The following CITED2 variants were observed in gnomAD, a reference collection of about 807,000 sequenced individuals.
CITED2 encodes the protein cbp/p300-interacting transactivator 2.
A neutral mutation model predicts 11.8 loss-of-function variants in CITED2; 2 were observed. The observed-to-expected ratio is 0.17, with a 90% CI of 0.07 to 0.54. The LOEUF (loss-of-function observed/expected upper bound fraction) is 0.54. CITED2 is among the 20% of genes least tolerant of loss of function. The pLI is 0.94. For missense variants in CITED2, 437 were observed against 390.2 expected (o/e 1.12, Z -1.01); for synonymous variants, 210 against 153.0 (o/e 1.37, Z -2.75).
rs1486542935 is a variant in CITED2, at chr6:139,373,399, G to A, written c.546C>T (p.Ser182=). 1.3e-6 allele frequency: 2 copies of A among 1,568,770 alleles called. No homozygotes were observed. The highest frequency in any genetic ancestry group is 1.7e-6 in the Non-Finnish European group (2 of 1,160,832). Residue 182 remains serine, a synonymous_variant, in exon 2 of 2, where the codon AGC becomes AGT. Coordinates refer to ENST00000367651, the MANE Select transcript of CITED2 (RefSeq NM_006079.5). ...TGCTGCTGCCCGCGCCGCCGCCCGA[G>A]CTGCTGCCAGAGCCGCCGGGGGTGC... ...GSSTPGGSGS[S]SGGGAGSSNS...
intron 1 of CITED2, 51 bp downstream of exon 1, chr6:139,374,362 C>G (rs1583068522): frequency 1.8e-6 from 1 of 552,080 alleles, no homozygotes; most frequent in Non-Finnish European, 3.0e-6. Context: ...ACCCTGCCCT[C>G]GGAGGACTGG....
At position 139,373,093 on chromosome 6, in the gene CITED2, G is replaced by C. The variant is rs755093279; in HGVS notation, c.*39C>G. 6.4e-7 allele frequency: 1 copy of C among 1,564,866 alleles called. No individual in the cohort carries two copies. Among genetic ancestry groups the C allele is most frequent in the Non-Finnish European group, 8.8e-7 (1 of 1,135,396 alleles). The stretch of plus-strand genomic sequence containing the variant: ...GTTTCTTTTAATTCACGCCGAAGAA[G>C]TTGGGGGTTTGATTTCTTTCGCCGG... On this transcript the variant is annotated 3_prime_UTR_variant, in exon 2 of 2. Transcript: ENST00000367651.
rs1778314693 is a variant in CITED2, at chr6:139,373,814, G to A, written c.131C>T (p.Pro44Leu). ...CATTAGGGCGTTGAAGGCGTGCTGG[G>A]GCTGCTGCTGCTGGTGGTGATGGGG... ...PSPHHHQQQQ[P>L]QHAFNALMGE... Residue 44 changes from proline to leucine, a missense_variant, in exon 2 of 2, where the codon CCC (proline) becomes CTC (leucine). By Grantham distance (98) the Pro-to-Leu change is moderately conservative (BLOSUM62 -3). Around this residue, in one of 3 missense-constraint regions of CITED2, gnomAD observed 396 missense variants for 325.2 expected, o/e 1.22. Transcript: ENST00000367651. 7 of 1,608,818 alleles carry A rather than the reference G, an allele frequency of 4.4e-6. No homozygotes were observed. The highest frequency in any genetic ancestry group is 5.1e-6 in the Non-Finnish European group (6 of 1,179,958).
chr6:139,373,786 G>A lies in CITED2; in HGVS notation c.159C>T (p.Gly53=), dbSNP rs1425838285. 2.5e-6 allele frequency: 4 copies of A among 1,610,352 alleles called. No homozygotes were observed. Among genetic ancestry groups the A allele is most frequent in the South Asian group, 1.1e-5 (1 of 91,080 alleles). Residue 53 remains glycine, a synonymous_variant, in exon 2 of 2, where the codon GGC becomes GGT. Coordinates refer to ENST00000367651, the MANE Select transcript of CITED2 (RefSeq NM_006079.5). The part of the protein sequence containing the change: ...QPQHAFNALM[G]EHIHYGAGNM... ...TGCCCGCGCCGTAGTGTATGTGCTC[G>A]CCCATTAGGGCGTTGAAGGCGTGCT...
chr6:139,373,775 T>C lies in CITED2; in HGVS notation c.170A>G (p.His57Arg). 2 of 1,610,656 alleles carry C rather than the reference T, an allele frequency of 1.2e-6. No individual in the cohort carries two copies. Among genetic ancestry groups the C allele is most frequent in the Non-Finnish European group, 1.7e-6 (2 of 1,179,936 alleles). The change falls in exon 2 of 2, where the codon CAC becomes CGC. Residue 57 changes from histidine (H) to arginine (R), a missense_variant. Coordinates refer to ENST00000367651, the MANE Select transcript of CITED2 (RefSeq NM_006079.5). ...GGCATTCATGTTGCCCGCGCCGTAG[T>C]GTATGTGCTCGCCCATTAGGGCGTT... ...AFNALMGEHI[H>R]YGAGNMNATS...
Position 139,373,895 on chromosome 6 carries a change from G to C in CITED2, c.50C>G (p.Thr17Ser). The change falls in exon 2 of 2, where the codon ACC (threonine) becomes AGC (serine). Residue 17 changes from threonine to serine, a missense_variant. Transcript: ENST00000367651. ...AMNHGRFPDG[T>S]NGLHHHPAHR... is the part of the protein sequence containing the mutation. ...GGCAGGGTGATGGTGCAGCCCATTG[G>C]TGCCGTCGGGGAAGCGCCCGTGGTT... is the stretch of plus-strand genomic sequence containing the variant. The C allele has an allele frequency of 6.2e-7, 1 of 1,600,790 alleles. No homozygotes were observed. The highest frequency in any genetic ancestry group is 8.5e-7 in the Non-Finnish European group (1 of 1,179,894).
chr6:139,374,057 G>C, intron 1 of CITED2, 105 bp from the exon 2 acceptor site: 1 of 1,526,676 alleles, frequency 6.6e-7, no homozygotes, highest in Non-Finnish European at 8.8e-7. Flanking sequence ...CCGGGCGCAC[G>C]TCGGCTGCGA....
At chr6:139,374,099 G>C in intron 1 of CITED2, 147 bp from the exon 2 acceptor site, 1 of 1,507,920 alleles carries the variant, frequency 6.6e-7, no homozygotes, top group Non-Finnish European at 8.9e-7. Context: ...CTAACAGCCT[G>C]TGCACCCGGG....
At chr6:139,374,179 A>T (rs1778328654) in intron 1 of CITED2, 1 of 1,444,960 alleles carries the variant, frequency 6.9e-7, no homozygotes, top group Admixed American at 2.5e-5. Flanking sequence ...TTCCCCTGCG[A>T]TCGGGCGGGG....
rs1778334993 is a variant in CITED2, at chr6:139,374,413, C to A, written c.-9G>T. On this transcript the variant is annotated splice_region_variant and 5_prime_UTR_variant, in exon 1 of 2. The change creates a new upstream start codon in the 5' untranslated region. Coordinates refer to ENST00000367651, the MANE Select transcript of CITED2 (RefSeq NM_006079.5). ...AGCCAGCTTCGCCCGTCGCGCTTACCTTCCGTTTTTGCGATTTCTGCTCCG... is the reference window on the plus strand; with the variant it reads ...AGCCAGCTTCGCCCGTCGCGCTTACATTCCGTTTTTGCGATTTCTGCTCCG... The A allele has an allele frequency of 2.3e-6, 1 of 438,676 alleles. No individual in the cohort carries two copies. Among genetic ancestry groups the A allele is most frequent in the African/African-American group, 2.0e-5 (1 of 50,818 alleles). The allele number at this position is 438,676 out of a possible 1,614,324, so 27.2% of individuals were successfully genotyped here.
At chr6:139,374,329 C>A in intron 1 of CITED2, 84 bp downstream of exon 1, 1 of 659,920 alleles carries the variant, frequency 1.5e-6, no homozygotes, top group Non-Finnish European at 2.4e-6. Flanking sequence ...CCCAGCTTCG[C>A]CTCACGCTCT....
chr6:139,373,286 G>T lies in CITED2; in HGVS notation c.659C>A (p.Thr220Asn). 6.2e-7 allele frequency: 1 copy of T among 1,614,010 alleles called. No homozygotes were observed. Among genetic ancestry groups the T allele is most frequent in the South Asian group, 1.1e-5 (1 of 91,088 alleles). The change falls in exon 2 of 2, where the codon ACT (threonine) becomes AAT (asparagine). Residue 220 changes from threonine (T) to asparagine (N), a missense_variant. Coordinates refer to ENST00000367651, the MANE Select transcript of CITED2 (RefSeq NM_006079.5). Reference sequence around the variant, plus strand: ...AAGAACTTCCTCGTCGATGAAATCAGTGTCTATGACATTGGGCGGCAGCAT... The same window carrying T: ...AAGAACTTCCTCGTCGATGAAATCATTGTCTATGACATTGGGCGGCAGCAT... Reference protein sequence around the residue: ...AAMLPPNVIDTDFIDEEVLMS... With the variant: ...AAMLPPNVIDNDFIDEEVLMS...
At chr6:139,374,037 C>G in intron 1 of CITED2, 85 bp from the exon 2 acceptor site, 1 of 1,529,690 alleles carries the variant, frequency 6.5e-7, no homozygotes, top group African/African-American at 1.4e-5. Context: ...GCCTCTGCCC[C>G]CCAGGATTCC....
rs771598219 is a variant in CITED2, at chr6:139,373,882, G to T, written c.63C>A (p.His21Gln). The T allele has an allele frequency of 1.1e-5, 18 of 1,601,878 alleles. No individual in the cohort carries two copies. The highest frequency in any genetic ancestry group is 1.4e-5 in the Non-Finnish European group (17 of 1,179,916). ...GRFPDGTNGL[H>Q]HHPAHRMGMG... is the part of the protein sequence containing the mutation. ...TGCCCATGCGGTGGGCAGGGTGATG[G>T]TGCAGCCCATTGGTGCCGTCGGGGA... The change falls in exon 2 of 2, where the codon CAC becomes CAA. Residue 21 changes from histidine (H) to glutamine (Q), a missense_variant. His to Gln is a conservative substitution (Grantham distance 24). Coordinates refer to ENST00000367651, the MANE Select transcript of CITED2 (RefSeq NM_006079.5).
At position 139,372,416 on chromosome 6, in the gene CITED2, T is replaced by C. The variant is rs577856168; in HGVS notation, c.*716A>G. 272 of 149,418 alleles carry C rather than the reference T, an allele frequency of 1.8e-3. No individual in the cohort carries two copies. Among genetic ancestry groups the C allele is most frequent in the Non-Finnish European group, 2.4e-3 (163 of 68,066 alleles). 9.3% of individuals were successfully genotyped at this position (149,418 alleles called of 1,614,324 possible). ...GTACTGAATATAACTATTAGCACAG[T>C]GTCAAAAATGTTGAAGACAGAAACA... is the stretch of plus-strand genomic sequence containing the variant. On this transcript the variant is annotated 3_prime_UTR_variant, in exon 2 of 2. Coordinates refer to ENST00000367651, the MANE Select transcript of CITED2 (RefSeq NM_006079.5).
rs1301725591 is a variant in CITED2, at chr6:139,372,267, C to T, written c.*865G>A. On this transcript the variant is annotated 3_prime_UTR_variant, in exon 2 of 2. Transcript: ENST00000367651. ...TTCTAGAAAACAAGTTATTTCTTAA[C>T]TTTTTATTGACATTGGCAAATTAAA... 1 of 152,528 alleles carries T rather than the reference C, an allele frequency of 6.6e-6. No individual in the cohort carries two copies. The highest frequency in any genetic ancestry group is 2.4e-5 in the African/African-American group (1 of 41,406). The allele number at this position is 152,528 out of a possible 1,614,324, so 9.4% of individuals were successfully genotyped here. A position where few individuals can be genotyped will look rare whatever the true frequency, so the allele number is the denominator to read the frequency against.
In CITED2 at chr6:139,373,679, G is replaced by C; in HGVS notation, c.266C>G (p.Pro89Arg). 2 of 1,611,962 alleles carry C rather than the reference G, an allele frequency of 1.2e-6. No homozygotes were observed. The highest frequency in any genetic ancestry group is 1.7e-6 in the Non-Finnish European group (2 of 1,179,716). Reference protein sequence around the residue: ...NGGHPPSALAPAARFNNSQFM... With the variant: ...NGGHPPSALARAARFNNSQFM... ...CTGGGAGTTGTTAAACCTGGCCGCG[G>C]GGGCCAGCGCGCTCGGGGGGTGCCC... The change falls in exon 2 of 2, where the codon CCC (proline) becomes CGC (arginine). Residue 89 changes from proline to arginine, a missense_variant. This residue lies in a region of CITED2 where 396 missense variants were observed against 325.2 expected (regional missense o/e 1.22). Coordinates refer to ENST00000367651, the MANE Select transcript of CITED2 (RefSeq NM_006079.5).
chr6:139,373,645 A>C lies in CITED2; in HGVS notation c.300T>G (p.Gly100=), dbSNP rs1356121499. The C allele has an allele frequency of 1.2e-6, 2 of 1,613,254 alleles. No homozygotes were observed. Among genetic ancestry groups the C allele is most frequent in the African/African-American group, 1.3e-5 (1 of 74,744 alleles). The change falls in exon 2 of 2, where the codon GGT becomes GGG. Residue 100 remains glycine (G), a synonymous_variant. Transcript: ENST00000367651. Reference sequence around the variant, plus strand: ...AGCCTCCCTGGCTGGCCACCGGGGGACCCATGAACTGGGAGTTGTTAAACC... The same window carrying C: ...AGCCTCCCTGGCTGGCCACCGGGGGCCCCATGAACTGGGAGTTGTTAAACC... ...AARFNNSQFM[G]PPVASQGGSL...
At position 139,373,480 on chromosome 6, in the gene CITED2, A is replaced by G. The variant is rs1778300713; in HGVS notation, c.465T>C (p.Asp155=). Residue 155 remains aspartate (D), a synonymous_variant, in exon 2 of 2, where the codon GAT becomes GAC. Transcript: ENST00000367651. ...QMNGTNQHFR[D]CNPKHSGGSS... is the part of the protein sequence containing the mutation. ...TGCCGCCGCTGTGCTTGGGGTTGCA[A>G]TCTCGGAAGTGCTGGTTTGTCCCGT... is the stretch of plus-strand genomic sequence containing the variant. 6.2e-7 allele frequency: 1 copy of G among 1,604,476 alleles called. No homozygotes were observed. Among genetic ancestry groups the G allele is most frequent in the Non-Finnish European group, 8.5e-7 (1 of 1,174,496 alleles).
Sources: gnomAD v4.1 joint callset for allele counts on GRCh38, gnomAD v4.1.1 for gene constraint, gnomAD v4.1.1 regional missense constraint, MANE v1.5 for transcripts, NCBI Gene and HGNC (gene_info 2026-07-23, HGNC 2026-07-21) for gene names.